The following PCDHGA2 variants were observed in gnomAD, a reference collection of about 807,000 sequenced individuals.
The protein encoded by PCDHGA2 is protocadherin gamma subfamily A, 2, also known as protocadherin gamma-A2.
PCDHGA2 carries 40 observed loss-of-function variants against 59.2 expected under a neutral mutation model. That is an observed-to-expected ratio of 0.68 (90% CI 0.52 to 0.88). The LOEUF is 0.88. PCDHGA2 is among the 40% of genes least tolerant of loss of function. The probability of loss-of-function intolerance (pLI) is 0.00; values close to 1 mark genes in which losing one functional copy is unlikely to be tolerated. For synonymous variants in PCDHGA2, 560 were observed against 526.0 expected (o/e 1.06, Z -0.89); for missense variants, 1,226 against 1,204.0 (o/e 1.02, Z -0.27).
chr5:141,486,940 A>T lies in PCDHGA2; in HGVS notation c.2425-7867A>T. ...CTCCATCAGTTGGTGCTGGCCACCTAATCACAAAGGTGACTGCTGTGGACT... is the reference window on the plus strand; with the variant it reads ...CTCCATCAGTTGGTGCTGGCCACCTTATCACAAAGGTGACTGCTGTGGACT... On this transcript the variant is annotated intron_variant, in intron 1 of 3. Coordinates refer to ENST00000394576, the MANE Select transcript of PCDHGA2 (RefSeq NM_018915.4). This position sits in a 1 kb window ranked among gnomAD's most constrained non-coding sequence, Gnocchi z 5.0. 6.2e-7 allele frequency: 1 copy of T among 1,614,188 alleles called. No homozygotes were observed. Among genetic ancestry groups the T allele is most frequent in the Non-Finnish European group, 8.5e-7 (1 of 1,180,032 alleles).
chr5:141,477,814 G>C lies in PCDHGA2; in HGVS notation c.2425-16993G>C, dbSNP rs780195618. The C allele has an allele frequency of 1.2e-6, 2 of 1,614,110 alleles. No homozygotes were observed. The highest frequency in any genetic ancestry group is 1.1e-5 in the South Asian group (1 of 91,074). On this transcript the variant is annotated intron_variant, in intron 1 of 3. Coordinates refer to ENST00000394576, the MANE Select transcript of PCDHGA2 (RefSeq NM_018915.4). The surrounding 1 kb of genome is among the most constrained non-coding windows in gnomAD (Gnocchi z 4.9). ...CTGATCGCAATGACAATGCCCCCCA[G>C]GTCCTATATCCTCGGCCAGGTGGGA... is the stretch of plus-strand genomic sequence containing the variant.
Position 141,408,177 on chromosome 5 carries a change from G to A in PCDHGA2, c.2424+66782G>A, listed in dbSNP as rs1359754385. 7.2e-6 allele frequency: 11 copies of A among 1,534,346 alleles called. 1 individual carries two copies. In the South Asian group the frequency reaches 1.3e-4, roughly 19 times the overall value. ...GCACTTTCTCCAACTGGAAAAGCGGGGACCCAGCGAGAACCCGAGCGAACG... is the reference window on the plus strand; with the variant it reads ...GCACTTTCTCCAACTGGAAAAGCGGAGACCCAGCGAGAACCCGAGCGAACG... On this transcript the variant is annotated intron_variant, in intron 1 of 3. Transcript: ENST00000394576.
Position 141,432,943 on chromosome 5 carries a change from A to G in PCDHGA2, c.2425-61864A>G, listed in dbSNP as rs1200038728. ...ACAAGTCACGCCTGCTGCAGGCTTC[A>G]GGAGGCGGCTTGACAGGAGCGCCGG... On this transcript the variant is annotated intron_variant, in intron 1 of 3. Transcript: ENST00000394576. This position sits in a 1 kb window ranked among gnomAD's most constrained non-coding sequence, Gnocchi z 6.0. 5.6e-6 allele frequency: 9 copies of G among 1,614,168 alleles called. No homozygotes were observed. The highest frequency in any genetic ancestry group is 1.7e-4 in the Middle Eastern group (1 of 6,060).
chr5:141,384,596 C>G, intron 1 of PCDHGA2: 1 of 1,614,240 alleles, frequency 6.2e-7, no homozygotes, highest in Non-Finnish European at 8.5e-7. Flanking sequence ...CTGTACCCGG[C>G]CCTCCCCACA....
In PCDHGA2 at chr5:141,340,485, T is replaced by A. The variant is rs756760446; in HGVS notation, c.1514T>A (p.Ile505Asn). ...CAGGGGGCACCCTTATCCTCTTACA[T>A]CTCTATCAACTCCGACACTGGAGTA... ...TVQGAPLSSY[I>N]SINSDTGVLY... The change falls in exon 1 of 4, where the codon ATC (isoleucine) becomes AAC (asparagine). Residue 505 changes from isoleucine (I) to asparagine (N), a missense_variant. Transcript: ENST00000394576. 2 of 1,614,154 alleles carry A rather than the reference T, an allele frequency of 1.2e-6. No homozygotes were observed. The highest frequency in any genetic ancestry group is 1.7e-6 in the Non-Finnish European group (2 of 1,180,024).
At chr5:141,374,684 G>A in intron 1 of PCDHGA2, 1 of 1,609,636 alleles carries the variant, frequency 6.2e-7, no homozygotes, top group Non-Finnish European at 8.5e-7. Flanking sequence ...GGGCACACTG[G>A]ACCGGGAAGG....
Position 141,489,857 on chromosome 5 carries a change from C to T in PCDHGA2, c.2425-4950C>T. 2 of 1,614,166 alleles carry T rather than the reference C, an allele frequency of 1.2e-6. No individual in the cohort carries two copies. On this transcript the variant is annotated intron_variant, in intron 1 of 3. Coordinates refer to ENST00000394576, the MANE Select transcript of PCDHGA2 (RefSeq NM_018915.4). This position sits in a 1 kb window ranked among gnomAD's most constrained non-coding sequence, Gnocchi z 4.5. ...CAGCAGCTGGATCGTGAAGCCCAGGCAAGACATCAGCTGGTGCTTACTGCT... is the reference window on the plus strand; with the variant it reads ...CAGCAGCTGGATCGTGAAGCCCAGGTAAGACATCAGCTGGTGCTTACTGCT...
chr5:141,383,368 G>C, intron 1 of PCDHGA2: 1 of 1,614,014 alleles, frequency 6.2e-7, no homozygotes, highest in Middle Eastern at 1.6e-4. Context: ...GTTAAGCGAG[G>C]CTGGGGATCC....
intron 1 of PCDHGA2, among the ~76,000 whole-genome samples, chr5:141,400,827 C>G (rs1236536713): frequency 2.0e-5 from 3 of 152,178 alleles, no homozygotes; most frequent in Admixed American, 2.0e-4. Flanking sequence ...TTCGTTGTCT[C>G]ATTCTTTAAC....
intron 1 of PCDHGA2, among the ~76,000 whole-genome samples, chr5:141,453,288 ATTATTTAT>A (rs577328880): frequency 6.6e-6 from 1 of 151,342 alleles, no homozygotes; most frequent in Non-Finnish European, 1.5e-5. Context: ...TAATTTTTTA[ATTATTTAT>A]TTATTTATTT....
At chr5:141,342,950 A>G (rs78668600) in intron 1 of PCDHGA2, 1,651 of 152,254 alleles carry the variant, frequency 0.011, 19 homozygotes, top group Non-Finnish European at 0.018. Context: ...ACACCTAGGC[A>G]TTGTCATGCT....
intron 1 of PCDHGA2, chr5:141,430,853 C>A: frequency 6.3e-7 from 1 of 1,587,214 alleles, no homozygotes; most frequent in Non-Finnish European, 8.6e-7. Flanking sequence ...CACCCAGATA[C>A]GCTATTCAGT....
intron 1 of PCDHGA2, among the ~76,000 whole-genome samples, chr5:141,459,724 T>C (rs1440632046): frequency 6.6e-6 from 1 of 152,250 alleles, no homozygotes; most frequent in Non-Finnish European, 1.5e-5. Context: ...TGCTTCCTAT[T>C]GTCAATTTTT....
chr5:141,400,051 G>T, intron 1 of PCDHGA2: 1 of 1,613,762 alleles, frequency 6.2e-7, no homozygotes. Context: ...GCTGGTTGCT[G>T]TGCGTGATGG....
At chr5:141,423,783 A>G in intron 1 of PCDHGA2, 1 of 1,264,712 alleles carries the variant, frequency 7.9e-7, no homozygotes, top group South Asian at 1.9e-5. Context: ...TATTTAGTTC[A>G]TATATATTTA....
At chr5:141,501,329 ACACACC>A (rs1456568693) in intron 2 of PCDHGA2, among the ~76,000 whole-genome samples, 16 of 148,226 alleles carry the variant, frequency 1.1e-4, no homozygotes, top group Non-Finnish European at 2.2e-4. Context: ...ACACACACAC[ACACACC>A]CCAAACTCAA....
intron 1 of PCDHGA2, chr5:141,350,011 G>T (rs1758389447): frequency 5.6e-6 from 2 of 357,822 alleles, no homozygotes; most frequent in Non-Finnish European, 5.0e-6. Context: ...GCTGGGCCCT[G>T]TGCAGTTTTC....
intron 2 of PCDHGA2, among the ~76,000 whole-genome samples, chr5:141,501,236 G>T (rs571684337): frequency 5.5e-4 from 83 of 150,782 alleles, no homozygotes; most frequent in African/African-American, 2.0e-3. Context: ...TCAGTTTTTT[G>T]AGCATGATGT....
At chr5:141,474,871 A>G (rs894657981) in intron 1 of PCDHGA2, among the ~76,000 whole-genome samples, 5 of 152,236 alleles carry the variant, frequency 3.3e-5, no homozygotes, top group African/African-American at 1.2e-4. Context: ...ATAGGATAGG[A>G]GCAGGAACTC....
Sources: gnomAD v4.1 joint callset for allele counts (sites outside exome capture counted in the v4.1 genomes callset) on GRCh38, gnomAD v4.1.1 for gene constraint, Gnocchi (gnomAD v3.1) non-coding constraint, MANE v1.5 for transcripts, NCBI Gene and HGNC (gene_info 2026-07-23, HGNC 2026-07-21) for gene names.